WEE1: variants seen among roughly 807,000 people sequenced by gnomAD.
The protein encoded by WEE1 is WEE1 G2 checkpoint kinase, also known as wee1-like protein kinase.
A neutral mutation model predicts 68.8 loss-of-function variants in WEE1; 16 were observed. The ratio of observed to expected loss-of-function variants is 0.23; its 90% confidence interval spans 0.16 to 0.35. The LOEUF (loss-of-function observed/expected upper bound fraction) is 0.35, where lower values mean the gene tolerates loss of function less well. Among genes scored for constraint, WEE1 ranks in the 10% least tolerant of loss-of-function variants. WEE1 has a pLI of 1.00. For missense variants in WEE1, 651 were observed against 824.1 expected, an observed-to-expected ratio of 0.79 and a Z score of 2.57; for synonymous variants, 349 against 318.7, an observed-to-expected ratio of 1.09 and a Z score of -1.01.
In WEE1 at chr11:9,588,989, ACTCATT is replaced by A; in HGVS notation, c.*388_*393del. The A allele has an allele frequency of 4.1e-6, 4 of 986,322 alleles. No individual in the cohort carries two copies. Among genetic ancestry groups the A allele is most frequent in the Non-Finnish European group, 4.8e-6 (4 of 830,430 alleles). The allele number at this position is 986,322 out of a possible 1,614,324, so 61.1% of individuals were successfully genotyped here. Reference sequence around the variant, plus strand: ...CCTTTGAAAAGGGACATGCTAAAAGACTCATTACTACTCAGCCTTCAATGTACCTGT... The same window carrying A: ...CCTTTGAAAAGGGACATGCTAAAAGAACTACTCAGCCTTCAATGTACCTGT... On this transcript the variant is annotated 3_prime_UTR_variant, in exon 11 of 11. Transcript: ENST00000450114.
intron 5 of WEE1, chr11:9,577,762 A>G: frequency 2.4e-6 from 1 of 414,786 alleles, no homozygotes; most frequent in Non-Finnish European, 4.8e-6. Flanking sequence ...CTACCCTAGA[A>G]TCCACTAACG....
At chr11:9,583,784 CACACACACACACACACACATATATAT>C (rs1849662140) in intron 6 of WEE1, among the ~76,000 whole-genome samples, 1 of 32,454 alleles carries the variant, frequency 3.1e-5, no homozygotes, top group East Asian at 5.6e-4. Context: ...CACACACACA[CACACACACACACACACACATATATAT>C]ATATATATAT....
Position 9,574,651 on chromosome 11 carries a change from G to GTGTT in WEE1, c.576+145_576+148dup. On this transcript the variant is annotated intron_variant, in intron 1 of 10. Coordinates refer to ENST00000450114, the MANE Select transcript of WEE1 (RefSeq NM_003390.4). This position sits in a 1 kb window ranked among gnomAD's most constrained non-coding sequence, Gnocchi z 4.9. The stretch of plus-strand genomic sequence containing the variant: ...CCGCCCCCCAAAGTTGGCAGCCCTT[G>GTGTT]TGTTTGGCCCTGCCCCGAGGTTGTC... The GTGTT allele has an allele frequency of 3.6e-6, 4 of 1,115,828 alleles. No individual in the cohort carries two copies. Among genetic ancestry groups the GTGTT allele is most frequent in the Non-Finnish European group, 4.4e-6 (4 of 915,148 alleles). The allele number at this position is 1,115,828 out of a possible 1,614,324, so 69.1% of individuals were successfully genotyped here.
intron 6 of WEE1, among the ~76,000 whole-genome samples, chr11:9,584,646 T>C (rs935957992): frequency 2.0e-5 from 3 of 152,228 alleles, no homozygotes; most frequent in Admixed American, 1.3e-4. Flanking sequence ...ACCAGCCTTA[T>C]AGCGCTACAT....
At chr11:9,585,091 C>T in intron 6 of WEE1, 167 bp from the exon 7 acceptor site, 2 of 609,454 alleles carry the variant, frequency 3.3e-6, no homozygotes, top group South Asian at 2.2e-5. Flanking sequence ...TTCCCAGCAA[C>T]TATAACCCTG....
chr11:9,574,547 C>T lies in WEE1; in HGVS notation c.576+38C>T, dbSNP rs1407934088. On this transcript the variant is annotated intron_variant, in intron 1 of 10. Coordinates refer to ENST00000450114, the MANE Select transcript of WEE1 (RefSeq NM_003390.4). The surrounding 1 kb of genome is among the most constrained non-coding windows in gnomAD (Gnocchi z 4.9). ...GGCGCGGGCACCCGGCGGCCGGGGC[C>T]GCGGCGCCGGAGGGGCCAGCGCCGC... 98 of 1,182,606 alleles carry T rather than the reference C, an allele frequency of 8.3e-5. No individual in the cohort carries two copies. The highest frequency in any genetic ancestry group is 1.0e-4 in the Non-Finnish European group (98 of 961,968). 73.3% of individuals were successfully genotyped at this position (1,182,606 alleles called of 1,614,324 possible).
intron 5 of WEE1, chr11:9,577,643 G>C: frequency 6.2e-6 from 2 of 324,480 alleles, no homozygotes; most frequent in South Asian, 5.2e-5. Flanking sequence ...TTCATGTGAG[G>C]TGCTGCTAAA....
Position 9,576,700 on chromosome 11 carries a change from A to G in WEE1, c.1019+41A>G, listed in dbSNP as rs1293030726. ...TTTGTCTTTTGCTCTTTTGTCCCCT[A>G]TGGTGTTACTAACATTAAGGTTTCA... On this transcript the variant is annotated intron_variant, in intron 4 of 10. Coordinates refer to ENST00000450114, the MANE Select transcript of WEE1 (RefSeq NM_003390.4). This position sits in a 1 kb window ranked among gnomAD's most constrained non-coding sequence, Gnocchi z 4.3. 51 of 1,576,874 alleles carry G rather than the reference A, an allele frequency of 3.2e-5. No homozygotes were observed. Among genetic ancestry groups the G allele is most frequent in the Non-Finnish European group, 3.7e-5 (43 of 1,163,632 alleles).
At chr11:9,577,324 G>C in intron 5 of WEE1, 61 bp downstream of exon 5, 1 of 1,562,856 alleles carries the variant, frequency 6.4e-7, no homozygotes, top group Non-Finnish European at 8.7e-7. Context: ...AAATATTTAT[G>C]GTTATCTAAA....
chr11:9,581,466 G>C (rs1849626929), intron 5 of WEE1, 66 bp from the exon 6 acceptor site: 1 of 1,473,960 alleles, frequency 6.8e-7, no homozygotes, highest in Non-Finnish European at 9.1e-7. Flanking sequence ...AGACTCATTT[G>C]GTAAAGATGG....
chr11:9,574,660 C>G lies in WEE1; in HGVS notation c.576+151C>G. On this transcript the variant is annotated intron_variant, in intron 1 of 10. Transcript: ENST00000450114. The surrounding 1 kb of genome is among the most constrained non-coding windows in gnomAD (Gnocchi z 4.9). ...AAAGTTGGCAGCCCTTGTGTTTGGC[C>G]CTGCCCCGAGGTTGTCCGTTGAGAT... 9.0e-7 allele frequency: 1 copy of G among 1,112,816 alleles called. No homozygotes were observed. Among genetic ancestry groups the G allele is most frequent in the Non-Finnish European group, 1.1e-6 (1 of 913,120 alleles). 68.9% of individuals were successfully genotyped at this position (1,112,816 alleles called of 1,614,324 possible).
Position 9,574,745 on chromosome 11 carries a change from C to G in WEE1, c.576+236C>G. On this transcript the variant is annotated intron_variant, in intron 1 of 10. Transcript: ENST00000450114. The surrounding 1 kb of genome is among the most constrained non-coding windows in gnomAD (Gnocchi z 4.9). ...CATCTTACAAAGGGGCCGATCGGCCCGTCCGGGTGGCCAAGGATTTGCCGC... is the reference window on the plus strand; with the variant it reads ...CATCTTACAAAGGGGCCGATCGGCCGGTCCGGGTGGCCAAGGATTTGCCGC... 9.7e-7 allele frequency: 1 copy of G among 1,032,242 alleles called. No individual in the cohort carries two copies. The highest frequency in any genetic ancestry group is 1.2e-6 in the Non-Finnish European group (1 of 861,212). The allele number at this position is 1,032,242 out of a possible 1,614,324, so 63.9% of individuals were successfully genotyped here.
intron 6 of WEE1, among the ~76,000 whole-genome samples, chr11:9,582,498 TG>T (rs1207729114): frequency 3.3e-5 from 5 of 152,252 alleles, no homozygotes; most frequent in African/African-American, 1.2e-4. Flanking sequence ...TCAGTCATTT[TG>T]TACAACTTTA....
chr11:9,589,702 A>G lies in WEE1; in HGVS notation c.*1100A>G, dbSNP rs78738598. 1 of 985,706 alleles carries G rather than the reference A, an allele frequency of 1.0e-6. No individual in the cohort carries two copies. The highest frequency in any genetic ancestry group is 1.2e-6 in the Non-Finnish European group (1 of 829,848). 61.1% of individuals were successfully genotyped at this position (985,706 alleles called of 1,614,324 possible). A position where few individuals can be genotyped will look rare whatever the true frequency, so the allele number is the denominator to read the frequency against. On this transcript the variant is annotated 3_prime_UTR_variant, in exon 11 of 11. Transcript: ENST00000450114. The stretch of plus-strand genomic sequence containing the variant: ...TAAAACATGTTTGCACTTGTCTTTG[A>G]CTTGTGTTTTATTAACATTGATTGG...
At position 9,576,101 on chromosome 11, in the gene WEE1, G is replaced by C; in HGVS notation, c.782+8G>C. The C allele has an allele frequency of 6.2e-7, 1 of 1,613,704 alleles. No individual in the cohort carries two copies. The highest frequency in any genetic ancestry group is 8.5e-7 in the Non-Finnish European group (1 of 1,179,738). On this transcript the variant is annotated splice_region_variant and intron_variant, in intron 2 of 10. Coordinates refer to ENST00000450114, the MANE Select transcript of WEE1 (RefSeq NM_003390.4). The surrounding 1 kb of genome is among the most constrained non-coding windows in gnomAD (Gnocchi z 4.3). Reference sequence around the variant, plus strand: ...GAGAACGTATTGGAATGAGTAAGTCGTTTATTTAACAGTTTGGTTCTCCAA... The same window carrying C: ...GAGAACGTATTGGAATGAGTAAGTCCTTTATTTAACAGTTTGGTTCTCCAA...
At chr11:9,587,691 G>A (rs1336692895) in intron 10 of WEE1, among the ~76,000 whole-genome samples, 1 of 152,050 alleles carries the variant, frequency 6.6e-6, no homozygotes, top group Non-Finnish European at 1.5e-5. Context: ...AGAGAATATT[G>A]GAGAATATTA....
chr11:9,579,262 G>A (rs541985949), intron 5 of WEE1: 4 of 152,116 alleles, frequency 2.6e-5, no homozygotes, highest in Non-Finnish European at 5.9e-5. Flanking sequence ...AAGAAAATAC[G>A]ACTATCTGGA....
chr11:9,587,604 T>C (rs1849716100), intron 10 of WEE1, among the ~76,000 whole-genome samples: 1 of 152,224 alleles, frequency 6.6e-6, no homozygotes, highest in African/African-American at 2.4e-5. Context: ...CTTTATATAC[T>C]GAATGAAGAT....
At chr11:9,575,548 T>G in intron 1 of WEE1, 4 of 350,198 alleles carry the variant, frequency 1.1e-5, no homozygotes, top group South Asian at 8.5e-5. Flanking sequence ...GGAGGGGAGA[T>G]TTTATGGGGC....
Sources: gnomAD v4.1 joint callset for allele counts (sites outside exome capture counted in the v4.1 genomes callset) on GRCh38, gnomAD v4.1.1 for gene constraint, Gnocchi (gnomAD v3.1) non-coding constraint, MANE v1.5 for transcripts, NCBI Gene and HGNC (gene_info 2026-07-23, HGNC 2026-07-21) for gene names.